The following CATSPERB variants were observed in gnomAD, a reference collection of about 807,000 sequenced individuals.
The protein encoded by CATSPERB is cation channel sperm-associated auxiliary subunit beta.
Under a neutral mutation model 128.3 loss-of-function variants are expected in CATSPERB, and 93 were observed. The ratio of observed to expected loss-of-function variants is 0.72; its 90% confidence interval spans 0.61 to 0.86. CATSPERB has a LOEUF of 0.86. Among genes scored for constraint, CATSPERB ranks in the 40% least tolerant of loss-of-function variants. The pLI, the probability that CATSPERB is intolerant of heterozygous loss-of-function variation, is 0.00. For synonymous variants in CATSPERB, 381 were observed against 448.8 expected, an observed-to-expected ratio of 0.85 and a Z score of 1.91; for missense variants, 1,153 against 1,329.5, an observed-to-expected ratio of 0.87 and a Z score of 2.06.
At chr14:91,719,389 G>A in intron 5 of CATSPERB, 29 bp downstream of exon 5, 2 of 1,491,380 alleles carry the variant, frequency 1.3e-6, no homozygotes, top group Non-Finnish European at 1.8e-6. Context: ...AGACCCAGGG[G>A]TAAAAGAATT....
chr14:91,599,562 A>G (rs1893574708), intron 22 of CATSPERB, among the ~76,000 whole-genome samples: 2 of 151,396 alleles, frequency 1.3e-5, no homozygotes, highest in African/African-American at 2.4e-5. Flanking sequence ...AAAAAAAAAG[A>G]AAGTTTATTT....
At chr14:91,701,414 T>G (rs1895646357) in intron 7 of CATSPERB, among the ~76,000 whole-genome samples, 1 of 152,090 alleles carries the variant, frequency 6.6e-6, no homozygotes, top group African/African-American at 2.4e-5. Context: ...GAAAGAAAGT[T>G]AAGGGACCAT....
chr14:91,709,804 T>C (rs918270625), intron 5 of CATSPERB: 1 of 152,102 alleles, frequency 6.6e-6, no homozygotes, highest in African/African-American at 2.4e-5. Context: ...TAGTGGTACA[T>C]GGAGTGATTG....
At chr14:91,584,052 C>T (rs980929368) in intron 26 of CATSPERB, among the ~76,000 whole-genome samples, 2 of 152,052 alleles carry the variant, frequency 1.3e-5, no homozygotes, top group Admixed American at 1.3e-4. Context: ...CTGGCTATTT[C>T]AGGGTACTTT....
At chr14:91,669,196 T>C (rs964929850) in intron 14 of CATSPERB, among the ~76,000 whole-genome samples, 1 of 152,206 alleles carries the variant, frequency 6.6e-6, no homozygotes, top group South Asian at 2.1e-4. Flanking sequence ...GCACATAATA[T>C]AGATATTTGA....
rs372194395 is a variant in CATSPERB at position 91,639,154 on chromosome 14, C to A, written c.1529G>T (p.Arg510Leu). ...TGTGGGTGGTCCACTAGCTTCAAAG[C>A]GACCCAGAGTCAGCTTATGTAGGAA... is the stretch of plus-strand genomic sequence containing the variant. Reference protein sequence around the residue: ...LGFLHKLTLGRFEASGPPTAF... With the variant: ...LGFLHKLTLGLFEASGPPTAF... Residue 510 changes from arginine (R) to leucine (L), a missense_variant, in exon 16 of 27, where the codon CGC (arginine) becomes CTC (leucine). Physicochemically the swap from Arg to Leu is moderately radical, Grantham distance 102. Coordinates refer to ENST00000256343, the MANE Select transcript of CATSPERB (RefSeq NM_024764.4). 2.5e-6 allele frequency: 4 copies of A among 1,614,000 alleles called. No individual in the cohort carries two copies. The highest frequency in any genetic ancestry group is 3.4e-6 in the Non-Finnish European group (4 of 1,179,982).
intron 21 of CATSPERB, among the ~76,000 whole-genome samples, chr14:91,609,084 G>A (rs1318696881): frequency 6.6e-6 from 1 of 152,170 alleles, no homozygotes; most frequent in Non-Finnish European, 1.5e-5. Flanking sequence ...GTAGTATTCT[G>A]TATTTATGGA....
rs1246903786 is a variant in CATSPERB at position 91,581,108 on chromosome 14, C to G, written c.3133-1G>C. 6.2e-7 allele frequency: 1 copy of G among 1,611,410 alleles called. No homozygotes were observed. On this transcript the variant is annotated splice_acceptor_variant, in intron 26 of 26. Transcript: ENST00000256343. LOFTEE classifies it high-confidence loss of function. ...GCAATGGTGCCTCATCAACATAAATCTGCAACAGAAAAAGCAAAGTCTTTA... is the reference window on the plus strand; with the variant it reads ...GCAATGGTGCCTCATCAACATAAATGTGCAACAGAAAAAGCAAAGTCTTTA...
intron 2 of CATSPERB, among the ~76,000 whole-genome samples, chr14:91,726,310 C>A (rs1896118874): frequency 6.6e-6 from 1 of 152,230 alleles, no homozygotes; most frequent in South Asian, 2.1e-4. Context: ...GTGGATGCTG[C>A]CATGGAGCCA....
chr14:91,601,701 GA>G (rs1893610463), intron 22 of CATSPERB, among the ~76,000 whole-genome samples: 1 of 151,976 alleles, frequency 6.6e-6, no homozygotes, highest in African/African-American at 2.4e-5. Flanking sequence ...AATCATTTTT[GA>G]AATACATAAT....
chr14:91,727,096 A>G (rs1300295257), intron 2 of CATSPERB, among the ~76,000 whole-genome samples: 2 of 152,242 alleles, frequency 1.3e-5, no homozygotes, highest in South Asian at 2.1e-4. Context: ...AACAATTACA[A>G]TGCAAAAGTG....
At chr14:91,625,409 G>T (rs1204209522) in intron 17 of CATSPERB, among the ~76,000 whole-genome samples, 1 of 152,082 alleles carries the variant, frequency 6.6e-6, no homozygotes. Context: ...TGAAACAGAG[G>T]GGTGGGGGAG....
chr14:91,624,047 A>G (rs1382934449), intron 18 of CATSPERB, among the ~76,000 whole-genome samples: 1 of 152,174 alleles, frequency 6.6e-6, no homozygotes, highest in Non-Finnish European at 1.5e-5. Context: ...ATTTTATTAT[A>G]TTAGAAAAAA....
chr14:91,628,756 T>C (rs1894216009), intron 17 of CATSPERB, among the ~76,000 whole-genome samples: 1 of 152,174 alleles, frequency 6.6e-6, no homozygotes, highest in Admixed American at 6.6e-5. Context: ...TTCAGGTATT[T>C]CTTTATAGCA....
At chr14:91,652,121 A>G (rs1239619953) in intron 15 of CATSPERB, among the ~76,000 whole-genome samples, 1 of 152,180 alleles carries the variant, frequency 6.6e-6, no homozygotes, top group Non-Finnish European at 1.5e-5. Flanking sequence ...ATTTTTGTTC[A>G]AAAGATACCA....
chr14:91,703,275 G>A (rs889629049), intron 7 of CATSPERB, among the ~76,000 whole-genome samples: 1 of 152,096 alleles, frequency 6.6e-6, no homozygotes, highest in Non-Finnish European at 1.5e-5. Context: ...GATATAACGA[G>A]AAATACGTAT....
chr14:91,659,425 A>C (rs1894838135), intron 15 of CATSPERB, among the ~76,000 whole-genome samples: 1 of 152,248 alleles, frequency 6.6e-6, no homozygotes, highest in Admixed American at 6.5e-5. Flanking sequence ...AGATGAGAGC[A>C]GTGTATCATT....
rs777308632 is a variant in CATSPERB, at chr14:91,589,595, T to C, written c.2895A>G (p.Pro965=). Residue 965 remains proline, a synonymous_variant, in exon 24 of 27, where the codon CCA becomes CCG. Transcript: ENST00000256343. ...CAGTAACCAGATATGGAGATTGCAA[T>C]GGGACACGTCCATCCTCGTTGATAA... ...LEIINEDGRV[P]LQSPYLVTVT... 20 of 1,613,876 alleles carry C rather than the reference T, an allele frequency of 1.2e-5. No homozygotes were observed. Among genetic ancestry groups the C allele is most frequent in the Non-Finnish European group, 1.6e-5 (19 of 1,179,866 alleles).
chr14:91,720,983 T>C (rs1004763044), intron 4 of CATSPERB, among the ~76,000 whole-genome samples: 2 of 152,200 alleles, frequency 1.3e-5, no homozygotes, highest in African/African-American at 4.8e-5. Context: ...AGAAGAATAA[T>C]AGTCTTTTCT....
Sources: allele counts gnomAD v4.1 joint callset (sites outside exome capture counted in the v4.1 genomes callset), GRCh38; gene constraint gnomAD v4.1.1; transcripts MANE v1.5; gene names NCBI Gene and HGNC (gene_info 2026-07-23, HGNC 2026-07-21).